Variants in ABCA13 observed in about 807,000 individuals in gnomAD.
The protein encoded by ABCA13 is ATP binding cassette subfamily A member 13, also known as ATP-binding cassette sub-family A member 13.
A neutral mutation model predicts 478.7 loss-of-function variants in ABCA13; 476 were observed. That is an observed-to-expected ratio of 0.99 (90% CI 0.92 to 1.07). The LOEUF is 1.07. ABCA13 is among the 50% of genes least tolerant of loss of function. The pLI, the probability that ABCA13 is intolerant of heterozygous loss-of-function variation, is 0.00. For synonymous variants in ABCA13, 2,252 were observed against 2,158.9 expected, an observed-to-expected ratio of 1.04 and a Z score of -1.20; for missense variants, 6,060 against 5,910.6, an observed-to-expected ratio of 1.03 and a Z score of -0.83.
intron 4 of ABCA13, among the ~76,000 whole-genome samples, chr7:48,220,329 T>C (rs1482859260): frequency 6.6e-6 from 1 of 152,202 alleles, no homozygotes; most frequent in Non-Finnish European, 1.5e-5. Context: ...TGTTAATATA[T>C]GTATGTCCCA....
At chr7:48,257,033 T>C (rs1023695597) in intron 15 of ABCA13, among the ~76,000 whole-genome samples, 12 of 152,176 alleles carry the variant, frequency 7.9e-5, no homozygotes. Context: ...CCTTCCTGGT[T>C]AGCTGTATTC....
chr7:48,179,741 A>G (rs1403938450), intron 1 of ABCA13, among the ~76,000 whole-genome samples: 1 of 152,218 alleles, frequency 6.6e-6, no homozygotes, highest in African/African-American at 2.4e-5. Context: ...AAGATCCCAA[A>G]TGGAAGCTAA....
At chr7:48,450,647 A>C (rs1585377073) in intron 42 of ABCA13, among the ~76,000 whole-genome samples, 1 of 152,178 alleles carries the variant, frequency 6.6e-6, no homozygotes, top group African/African-American at 2.4e-5. Flanking sequence ...CATCTGATAT[A>C]TGATGAGTGT....
At chr7:48,547,110 C>CTGCATGTACACATGCT (rs1784888666) in intron 55 of ABCA13, among the ~76,000 whole-genome samples, 1 of 151,968 alleles carries the variant, frequency 6.6e-6, no homozygotes, top group South Asian at 2.1e-4. Flanking sequence ...AATTATCTGT[C>CTGCATGTACACATGCT]TGCATGTACA....
intron 55 of ABCA13, among the ~76,000 whole-genome samples, chr7:48,569,599 A>G (rs1787410644): frequency 6.6e-6 from 1 of 152,030 alleles, no homozygotes; most frequent in African/African-American, 2.4e-5. Flanking sequence ...ATCTCGGCTC[A>G]TTGCAACCCC....
intron 51 of ABCA13, among the ~76,000 whole-genome samples, chr7:48,513,876 G>A (rs918054465): frequency 3.3e-5 from 5 of 152,122 alleles, no homozygotes; most frequent in Non-Finnish European, 7.4e-5. Context: ...ATCATAGCCC[G>A]TTGAAAACCA....
chr7:48,425,463 C>T (rs60147095), intron 41 of ABCA13, among the ~76,000 whole-genome samples: 17,585 of 152,088 alleles, frequency 0.12, 1,207 homozygotes, highest in Admixed American at 0.16. Context: ...CTATTGTTTC[C>T]TATTTAATTC....
intron 15 of ABCA13, among the ~76,000 whole-genome samples, chr7:48,251,809 C>T (rs1792608976): frequency 6.6e-6 from 1 of 151,810 alleles, no homozygotes; most frequent in South Asian, 2.1e-4. Context: ...AATAAATTTT[C>T]CTCTATGCCG....
intron 2 of ABCA13, among the ~76,000 whole-genome samples, chr7:48,197,544 A>G (rs140097374): frequency 0.077 from 11,752 of 152,086 alleles, 1,228 homozygotes; most frequent in African/African-American, 0.23. Flanking sequence ...GGGAAGGTAA[A>G]TGATAGAAAA....
intron 20 of ABCA13, among the ~76,000 whole-genome samples, chr7:48,293,205 C>CCA (rs1554419833): frequency 7.4e-6 from 1 of 134,782 alleles, no homozygotes; most frequent in South Asian, 2.7e-4. Flanking sequence ...CCCCCCCCGC[C>CCA]ACACACACAC....
At chr7:48,506,255 A>G in intron 48 of ABCA13, 81 bp from the exon 49 acceptor site, 2 of 1,443,020 alleles carry the variant, frequency 1.4e-6, no homozygotes, top group Non-Finnish European at 9.7e-7. Flanking sequence ...TGGCACAGGG[A>G]ATCTGCGTAG....
At chr7:48,412,913 G>A (rs113539467) in intron 41 of ABCA13, among the ~76,000 whole-genome samples, 10 of 150,684 alleles carry the variant, frequency 6.6e-5, no homozygotes, top group African/African-American at 2.2e-4. Flanking sequence ...CCGGGTTCAC[G>A]CCAGTCTCCT....
At chr7:48,376,691 A>G (rs900418451) in intron 35 of ABCA13, 119 bp downstream of exon 35, 6 of 1,171,424 alleles carry the variant, frequency 5.1e-6, no homozygotes, top group Admixed American at 2.8e-5. Context: ...GGGAAGTCTT[A>G]GGATATATAT....
At chr7:48,198,556 C>T (rs367770679) in intron 3 of ABCA13, among the ~76,000 whole-genome samples, 196 bp downstream of exon 3, 14 of 152,216 alleles carry the variant, frequency 9.2e-5, no homozygotes, top group African/African-American at 3.1e-4. Context: ...GAGATCTTTC[C>T]ACTGTCACTT....
intron 55 of ABCA13, among the ~76,000 whole-genome samples, chr7:48,535,304 C>A (rs1563405955): frequency 6.6e-6 from 1 of 152,174 alleles, no homozygotes; most frequent in Non-Finnish European, 1.5e-5. Context: ...CCCAGCAGAG[C>A]TACCAGGCTC....
rs138962764 is a variant in ABCA13 at position 48,626,508 on chromosome 7, T to TA, written c.14837+11139dup. On this transcript the variant is annotated intron_variant, in intron 59 of 61. Coordinates refer to ENST00000435803, the MANE Select transcript of ABCA13 (RefSeq NM_152701.5). ...ATTATGGGAAATATTAATTCTAAGG[T>TA]AAAAAAAAGGCAAAATAATGGAGGA... is the stretch of plus-strand genomic sequence containing the variant. 3,320 of 608,406 alleles carry TA rather than the reference T, an allele frequency of 5.5e-3. 70 individuals are homozygous for TA. In the African/African-American group the frequency reaches 0.056, roughly 10 times the overall value. 37.7% of individuals were successfully genotyped at this position (608,406 alleles called of 1,614,324 possible).
chr7:48,462,422 T>C (rs1427854375), intron 43 of ABCA13, among the ~76,000 whole-genome samples: 1 of 146,862 alleles, frequency 6.8e-6, no homozygotes, highest in Non-Finnish European at 1.5e-5. Context: ...AGATTTCTTC[T>C]TTATCCTTGG....
At chr7:48,492,869 TA>T (rs1262146657) in intron 48 of ABCA13, among the ~76,000 whole-genome samples, 1 of 151,734 alleles carries the variant, frequency 6.6e-6, no homozygotes, top group Non-Finnish European at 1.5e-5. Context: ...GTACTAAAAA[TA>T]AAAAAATTAG....
intron 45 of ABCA13, among the ~76,000 whole-genome samples, chr7:48,479,754 A>G (rs1302397109): frequency 6.6e-6 from 1 of 152,170 alleles, no homozygotes; most frequent in Non-Finnish European, 1.5e-5. Context: ...TATGTACAAC[A>G]ATTATTATTC....
Sources: gnomAD v4.1 joint callset for allele counts (sites outside exome capture counted in the v4.1 genomes callset) on GRCh38, gnomAD v4.1.1 for gene constraint, MANE v1.5 for transcripts, NCBI Gene and HGNC (gene_info 2026-07-23, HGNC 2026-07-21) for gene names.